Variants in LYPD6B observed in about 807,000 individuals in gnomAD.
LYPD6B encodes the protein ly6/PLAUR domain-containing protein 6B.
Under a neutral mutation model 22.8 loss-of-function variants are expected in LYPD6B, and 17 were observed. The ratio of observed to expected loss-of-function variants is 0.75; its 90% confidence interval spans 0.51 to 1.12. The LOEUF (loss-of-function observed/expected upper bound fraction) is 1.12, where lower values mean the gene tolerates loss of function less well. LYPD6B is among the 50% of genes most tolerant of loss of function. The probability of loss-of-function intolerance (pLI) is 0.00; values close to 1 mark genes in which losing one functional copy is unlikely to be tolerated. For synonymous variants in LYPD6B, 106 were observed against 91.6 expected, an observed-to-expected ratio of 1.16 and a Z score of -0.90; for missense variants, 221 against 258.3, an observed-to-expected ratio of 0.86 and a Z score of 0.99.
At chr2:149,146,863 CTG>C (rs1371743506) in intron 2 of LYPD6B, among the ~76,000 whole-genome samples, 7 of 152,218 alleles carry the variant, frequency 4.6e-5, no homozygotes, top group Non-Finnish European at 1.0e-4. Flanking sequence ...ATTTCAAACA[CTG>C]TAGAATCTTC....
chr2:149,066,195 A>G (rs1255695097), intron 1 of LYPD6B, among the ~76,000 whole-genome samples: 5 of 149,296 alleles, frequency 3.3e-5, no homozygotes, highest in Non-Finnish European at 5.9e-5. Context: ...TTTTAATTCT[A>G]CTTTAAGTTT....
intron 1 of LYPD6B, among the ~76,000 whole-genome samples, chr2:149,090,894 A>G (rs1209202007): frequency 6.6e-6 from 1 of 152,212 alleles, no homozygotes; most frequent in Non-Finnish European, 1.5e-5. Context: ...AAGCATAGAA[A>G]GAGCTACAAC....
intron 1 of LYPD6B, among the ~76,000 whole-genome samples, chr2:149,124,295 A>G (rs1433003836): frequency 6.6e-6 from 1 of 152,190 alleles, no homozygotes; most frequent in Non-Finnish European, 1.5e-5. Context: ...GTAATTATCA[A>G]TGACGGTTGT....
At chr2:149,062,505 G>A (rs1684135161) in intron 1 of LYPD6B, among the ~76,000 whole-genome samples, 1 of 152,046 alleles carries the variant, frequency 6.6e-6, no homozygotes, top group African/African-American at 2.4e-5. Context: ...CCTCTCTCAG[G>A]CATTCCTTCC....
At chr2:149,067,904 T>TCCAAA (rs1211662596) in intron 1 of LYPD6B, among the ~76,000 whole-genome samples, 1 of 152,166 alleles carries the variant, frequency 6.6e-6, no homozygotes, top group Non-Finnish European at 1.5e-5. Flanking sequence ...TAGAAAAGCT[T>TCCAAA]TTGCTTTGGA....
chr2:149,094,204 AC>A (rs1042593081), intron 1 of LYPD6B, among the ~76,000 whole-genome samples: 11 of 152,334 alleles, frequency 7.2e-5, no homozygotes, highest in African/African-American at 2.6e-4. Context: ...ATAGAGTAAA[AC>A]TTTTGTTTCC....
Position 149,135,057 on chromosome 2 carries a change from C to T in LYPD6B, c.5+4104C>T, listed in dbSNP as rs938389653. Reference sequence around the variant, plus strand: ...GTCAGGAGTTCAAGACCAGCCTGGCCGACATGATGAAACCCCATCTCTACT... The same window carrying T: ...GTCAGGAGTTCAAGACCAGCCTGGCTGACATGATGAAACCCCATCTCTACT... On this transcript the variant is annotated intron_variant, in intron 2 of 6. Transcript: ENST00000409642. Among the ~76,000 whole-genome samples the T allele has an allele frequency of 5.9e-5, 9 of 151,770 alleles. No homozygotes were observed. In the South Asian group the frequency reaches 6.3e-4, roughly 11 times the overall value.
At chr2:149,138,871 C>T (rs180799059) in intron 2 of LYPD6B, among the ~76,000 whole-genome samples, 10 of 152,314 alleles carry the variant, frequency 6.6e-5, no homozygotes, top group Admixed American at 3.9e-4. Flanking sequence ...ACTTTAAGAA[C>T]ACACAGAAGC....
chr2:149,140,287 T>C (rs1384410329), intron 2 of LYPD6B, among the ~76,000 whole-genome samples: 1 of 152,150 alleles, frequency 6.6e-6, no homozygotes, highest in Admixed American at 6.5e-5. Context: ...ACGAGCGAGC[T>C]TGTGGTTCAG....
chr2:149,193,836 T>C (rs573245174), intron 3 of LYPD6B, among the ~76,000 whole-genome samples: 1 of 152,326 alleles, frequency 6.6e-6, no homozygotes, highest in East Asian at 1.9e-4. Context: ...GAATTTATTA[T>C]ATTCAAATAA....
intron 3 of LYPD6B, among the ~76,000 whole-genome samples, chr2:149,197,658 C>T (rs1017147839): frequency 1.3e-5 from 2 of 152,192 alleles, no homozygotes; most frequent in Non-Finnish European, 2.9e-5. Context: ...GAAGAGTTAT[C>T]TTTTCTCAAA....
intron 1 of LYPD6B, among the ~76,000 whole-genome samples, chr2:149,091,401 A>G (rs2170605): frequency 0.55 from 83,261 of 150,372 alleles, 23,792 homozygotes; most frequent in Admixed American, 0.64. Context: ...ATATATAAAG[A>G]GTGAAGATTT....
intron 3 of LYPD6B, among the ~76,000 whole-genome samples, chr2:149,190,612 T>C (rs1178927518): frequency 2.0e-5 from 3 of 152,196 alleles, no homozygotes; most frequent in Non-Finnish European, 2.9e-5. Flanking sequence ...ATTTAGAAGT[T>C]ATAAAGTACA....
At chr2:149,117,433 G>A (rs1402052648) in intron 1 of LYPD6B, among the ~76,000 whole-genome samples, 1 of 151,966 alleles carries the variant, frequency 6.6e-6, no homozygotes, top group East Asian at 1.9e-4. Context: ...ACCATGCCTA[G>A]CTAATTTTTA....
chr2:149,200,007 A>G (rs796896569), intron 3 of LYPD6B, among the ~76,000 whole-genome samples: 22 of 152,338 alleles, frequency 1.4e-4, no homozygotes, highest in African/African-American at 5.3e-4. Context: ...TTCCCTTTGG[A>G]GGAGGAGTCT....
chr2:149,053,532 T>C (rs570149483), intron 1 of LYPD6B, among the ~76,000 whole-genome samples: 1 of 152,346 alleles, frequency 6.6e-6, no homozygotes, highest in South Asian at 2.1e-4. Flanking sequence ...TCACTGAACA[T>C]TTTCATCAAT....
intron 6 of LYPD6B, among the ~76,000 whole-genome samples, chr2:149,214,151 A>T (rs548759600): frequency 1.3e-5 from 2 of 152,348 alleles, no homozygotes; most frequent in South Asian, 4.1e-4. Context: ...ATCCCCTAAC[A>T]AGTAGCACTG....
chr2:149,162,558 G>A (rs1332916480), intron 3 of LYPD6B, among the ~76,000 whole-genome samples: 1 of 152,074 alleles, frequency 6.6e-6, no homozygotes, highest in Non-Finnish European at 1.5e-5. Context: ...TGACACTCTA[G>A]CTATCTCTTC....
At chr2:149,135,249 TAAAAAA>T (rs36032140) in intron 2 of LYPD6B, among the ~76,000 whole-genome samples, 25 of 136,806 alleles carry the variant, frequency 1.8e-4, no homozygotes, top group Non-Finnish European at 3.4e-4. Flanking sequence ...TGTCTCAAAT[TAAAAAA>T]AAAAAAAAAA....
Sources: gnomAD v4.1 joint callset for allele counts (sites outside exome capture counted in the v4.1 genomes callset) on GRCh38, gnomAD v4.1.1 for gene constraint, MANE v1.5 for transcripts, NCBI Gene and HGNC (gene_info 2026-07-23, HGNC 2026-07-21) for gene names.